Variants in MAP3K20 observed in about 807,000 individuals in gnomAD.
MAP3K20 encodes the protein HCCS-4.
MAP3K20 carries 40 observed loss-of-function variants against 85.7 expected under a neutral mutation model. The ratio of observed to expected loss-of-function variants is 0.47; its 90% CI spans 0.36 to 0.61. The LOEUF (loss-of-function observed/expected upper bound fraction) is 0.61. Ranked by LOEUF, MAP3K20 falls within the 20% of genes least tolerant of loss-of-function variation. The pLI is 0.00. For missense variants in MAP3K20, 817 were observed against 961.7 expected (o/e 0.85, Z 1.99); for synonymous variants, 325 against 327.7 (o/e 0.99, Z 0.09).
chr2:173,166,584 C>T (rs1689829665), intron 2 of MAP3K20: 2 of 151,868 alleles, frequency 1.3e-5, no homozygotes, highest in Admixed American at 1.3e-4. Flanking sequence ...CAGGTAAATT[C>T]AAAACCAATT....
Position 173,075,900 on chromosome 2 carries a change from CGT to C in MAP3K20, c.-135_-134del, listed in dbSNP as rs1420430236. On this transcript the variant is annotated 5_prime_UTR_variant, in exon 1 of 20. Transcript: ENST00000375213. ...GTTCAACTCCTAACTGCAGCGGAAA[CGT>C]GGGAGCCGCGCGGGCCGCTGTCGTC... 1 of 985,176 alleles carries C rather than the reference CGT, an allele frequency of 1.0e-6. No individual in the cohort carries two copies. Among genetic ancestry groups the C allele is most frequent in the African/African-American group, 1.7e-5 (1 of 57,316 alleles). The allele number at this position is 985,176 out of a possible 1,614,324, so 61.0% of individuals were successfully genotyped here. A position where few individuals can be genotyped will look rare whatever the true frequency, so the allele number is the denominator to read the frequency against.
At chr2:173,194,571 T>C (rs1690763879) in intron 7 of MAP3K20, among the ~76,000 whole-genome samples, 1 of 152,120 alleles carries the variant, frequency 6.6e-6, no homozygotes, top group South Asian at 2.1e-4. Flanking sequence ...ATGATACCTA[T>C]TTTAATTCAA....
intron 2 of MAP3K20, among the ~76,000 whole-genome samples, chr2:173,122,018 C>G (rs1276009849): frequency 1.3e-5 from 2 of 152,204 alleles, no homozygotes; most frequent in African/African-American, 4.8e-5. Flanking sequence ...TTATTGAGGT[C>G]TGTGCCCAAT....
At chr2:173,216,403 C>T (rs944433346) in intron 10 of MAP3K20, among the ~76,000 whole-genome samples, 25 of 152,230 alleles carry the variant, frequency 1.6e-4, no homozygotes, top group African/African-American at 5.8e-4. Flanking sequence ...AAAAATTACT[C>T]GGGTCTTTTA....
rs145689426 is a variant in MAP3K20, at chr2:173,144,394, C to T, written c.160-25411C>T. ...AGGAGAATGGTGTGAACCTGGGAGG[C>T]GGAGCTTGCAGTGAGCCGAGGTCAC... On this transcript the variant is annotated intron_variant, in intron 2 of 19. Coordinates refer to ENST00000375213, the MANE Select transcript of MAP3K20 (RefSeq NM_016653.3). Among the ~76,000 whole-genome samples, 1,282 of 132,966 alleles carry T rather than the reference C, an allele frequency of 9.6e-3. 42 individuals carry two copies. Among genetic ancestry groups the T allele is most frequent in the South Asian group, 0.068 (280 of 4,116 alleles). 87.2% of individuals were successfully genotyped at this position (132,966 alleles called of 152,430 possible).
chr2:173,252,938 T>C (rs1046865126), intron 16 of MAP3K20, among the ~76,000 whole-genome samples: 1 of 152,356 alleles, frequency 6.6e-6, no homozygotes, highest in African/African-American at 2.4e-5. Context: ...TCCATCTATG[T>C]AAGAAGATAC....
At chr2:173,171,473 C>G (rs1477998096) in intron 3 of MAP3K20, among the ~76,000 whole-genome samples, 1 of 152,096 alleles carries the variant, frequency 6.6e-6, no homozygotes, top group Non-Finnish European at 1.5e-5. Context: ...TTTCTAGTTT[C>G]TTGAGGTGAG....
chr2:173,247,832 T>C (rs538070458), intron 16 of MAP3K20, among the ~76,000 whole-genome samples: 6 of 152,324 alleles, frequency 3.9e-5, no homozygotes, highest in African/African-American at 1.4e-4. Flanking sequence ...TGAGTTCTCA[T>C]GCAACAGAAA....
At chr2:173,247,015 T>C (rs567173730) in intron 16 of MAP3K20, among the ~76,000 whole-genome samples, 2 of 152,286 alleles carry the variant, frequency 1.3e-5, no homozygotes, top group East Asian at 3.9e-4. Context: ...AGAAGCAGAA[T>C]TACTGATGCC....
At chr2:173,224,417 G>A in intron 11 of MAP3K20, 1 of 985,272 alleles carries the variant, frequency 1.0e-6, no homozygotes, top group Non-Finnish European at 1.2e-6. Context: ...ATAAAGTTCT[G>A]ATGCATTAAT....
At chr2:173,090,489 T>G (rs575855019) in intron 1 of MAP3K20, 5 of 363,792 alleles carry the variant, frequency 1.4e-5, no homozygotes, top group Non-Finnish European at 1.5e-5. Context: ...GAGTCAACGT[T>G]TATTGTGTGT....
Position 173,114,327 on chromosome 2 carries a change from C to T in MAP3K20, c.159+23137C>T, listed in dbSNP as rs554785367. 2.0e-5 allele frequency among the ~76,000 whole-genome samples: 3 copies of T among 152,094 alleles called. No individual in the cohort carries two copies. The East Asian group carries it at 5.8e-4, about 29-fold the overall frequency. On this transcript the variant is annotated intron_variant, in intron 2 of 19. Transcript: ENST00000375213. ...ACAGCAGATGGTTGGTTGGTGAGTT[C>T]TTATCCATTCTGCAGTTCTGTGTCT... is the stretch of plus-strand genomic sequence containing the variant.
chr2:173,206,204 G>A (rs1386233467), intron 9 of MAP3K20, among the ~76,000 whole-genome samples: 1 of 152,150 alleles, frequency 6.6e-6, no homozygotes, highest in Non-Finnish European at 1.5e-5. Context: ...TGAGCACTCA[G>A]TACCACATTA....
rs563399109 is a variant in MAP3K20 at position 173,075,882 on chromosome 2, T to C, written c.-155T>C. 2 of 985,104 alleles carry C rather than the reference T, an allele frequency of 2.0e-6. No individual in the cohort carries two copies. Among genetic ancestry groups the C allele is most frequent in the Non-Finnish European group, 2.4e-6 (2 of 829,854 alleles). The allele number at this position is 985,104 out of a possible 1,614,324, so 61.0% of individuals were successfully genotyped here. A position where few individuals can be genotyped will look rare whatever the true frequency, so the allele number is the denominator to read the frequency against. ...CGTGCAGAGAGGCGGAATGTTCAAC[T>C]CCTAACTGCAGCGGAAACGTGGGAG... On this transcript the variant is annotated 5_prime_UTR_variant, in exon 1 of 20. Transcript: ENST00000375213.
intron 2 of MAP3K20, among the ~76,000 whole-genome samples, chr2:173,135,458 G>A (rs560286318): frequency 1.3e-5 from 2 of 152,340 alleles, no homozygotes; most frequent in Non-Finnish European, 2.9e-5. Flanking sequence ...GATTGATAGA[G>A]GATGAGGAAG....
At position 173,117,633 on chromosome 2, in the gene MAP3K20, GAATC is replaced by G. The variant is rs374700722; in HGVS notation, c.159+26447_159+26450del. Among the ~76,000 whole-genome samples, 926 of 152,074 alleles carry G rather than the reference GAATC, an allele frequency of 6.1e-3. 6 individuals are homozygous for G. The highest frequency in any genetic ancestry group is 0.021 in the African/African-American group (852 of 41,478). On this transcript the variant is annotated intron_variant, in intron 2 of 19. Coordinates refer to ENST00000375213, the MANE Select transcript of MAP3K20 (RefSeq NM_016653.3). Reference sequence around the variant, plus strand: ...AATTTTATTTTTAATTGCACGAAAAGAATCAATTAGTAATTTTCATGATTACACA... The same window carrying G: ...AATTTTATTTTTAATTGCACGAAAAGAATTAGTAATTTTCATGATTACACA...
intron 16 of MAP3K20, among the ~76,000 whole-genome samples, chr2:173,258,144 TA>T (rs1404498082): frequency 6.6e-5 from 10 of 152,136 alleles, no homozygotes; most frequent in Non-Finnish European, 1.3e-4. Context: ...ACCCACCCCA[TA>T]ACTCCCTAGT....
chr2:173,263,949 G>T, intron 19 of MAP3K20, 54 bp downstream of exon 19: 2 of 1,553,582 alleles, frequency 1.3e-6, no homozygotes, highest in South Asian at 2.5e-5. Context: ...ACTTAATTAT[G>T]ACATTTCCAG....
intron 10 of MAP3K20, among the ~76,000 whole-genome samples, chr2:173,216,537 A>G (rs1282566311): frequency 2.6e-5 from 4 of 151,498 alleles, no homozygotes; most frequent in Non-Finnish European, 5.9e-5. Flanking sequence ...CAAGTTGCCT[A>G]TGTAAGTCTA....
Sources: allele counts gnomAD v4.1 joint callset (sites outside exome capture counted in the v4.1 genomes callset), GRCh38; gene constraint gnomAD v4.1.1; transcripts MANE v1.5; gene names NCBI Gene and HGNC (gene_info 2026-07-23, HGNC 2026-07-21).